The following PDE3A variants were observed in gnomAD, a reference collection of about 807,000 sequenced individuals.
The protein encoded by PDE3A is cGMP-inhibited 3',5'-cyclic phosphodiesterase 3A.
A neutral mutation model predicts 98.3 loss-of-function variants in PDE3A; 43 were observed. The observed-to-expected ratio is 0.44, with a 90% CI of 0.34 to 0.56. The LOEUF (loss-of-function observed/expected upper bound fraction) is 0.56. Ranked by LOEUF, PDE3A falls within the 20% of genes least tolerant of loss-of-function variation. PDE3A has a pLI of 0.01. For missense variants in PDE3A, 1,427 were observed against 1,440.7 expected, an observed-to-expected ratio of 0.99 and a Z score of 0.15; for synonymous variants, 663 against 567.9, an observed-to-expected ratio of 1.17 and a Z score of -2.38.
chr12:20,435,630 G>A (rs1028012665), intron 1 of PDE3A, among the ~76,000 whole-genome samples: 1 of 152,140 alleles, frequency 6.6e-6, no homozygotes, highest in African/African-American at 2.4e-5. Context: ...CTGGTAGTAA[G>A]GAGGCCATGC....
chr12:20,438,087 C>T (rs1434365312), intron 1 of PDE3A, among the ~76,000 whole-genome samples: 1 of 151,848 alleles, frequency 6.6e-6, no homozygotes, highest in Admixed American at 6.6e-5. Context: ...TCTTGGGGGT[C>T]TCCGATAGCT....
Position 20,391,389 on chromosome 12 carries a change from A to G in PDE3A, c.960+21145A>G, listed in dbSNP as rs563903963. On this transcript the variant is annotated intron_variant, in intron 1 of 15. Transcript: ENST00000359062. ...TTCTCATATATATATATATATATAT[A>G]CACACACACATACATGCATTATACA... Among the ~76,000 whole-genome samples, 526 of 92,426 alleles carry G rather than the reference A, an allele frequency of 5.7e-3. 1 individual carries two copies. Among genetic ancestry groups the G allele is most frequent in the African/African-American group, 0.026 (507 of 19,300 alleles). The allele number at this position is 92,426 out of a possible 152,430, so 60.6% of individuals were successfully genotyped here. A position where few individuals can be genotyped will look rare whatever the true frequency, so the allele number is the denominator to read the frequency against.
chr12:20,411,761 C>A (rs1430196629), intron 1 of PDE3A, among the ~76,000 whole-genome samples: 6 of 152,112 alleles, frequency 3.9e-5, no homozygotes, highest in African/African-American at 1.2e-4. Flanking sequence ...TCCGAGATAA[C>A]CCCATTCTTG....
In PDE3A at chr12:20,685,882, G is replaced by A. The variant is rs1348469795; in HGVS notation, c.*5611G>A. Among the ~76,000 whole-genome samples the A allele has an allele frequency of 6.6e-6, 1 of 152,072 alleles. No homozygotes were observed. Among genetic ancestry groups the A allele is most frequent in the Non-Finnish European group, 1.5e-5 (1 of 67,996 alleles). ...TGCAAATAATTCAATAACCAAAAAT[G>A]CTTCAAAGAGTAATAATAAATCACC... is the stretch of plus-strand genomic sequence containing the variant. On this transcript the variant is annotated 3_prime_UTR_variant, in exon 16 of 16. Transcript: ENST00000359062.
At chr12:20,426,545 G>T (rs1281171521) in intron 1 of PDE3A, among the ~76,000 whole-genome samples, 1 of 152,172 alleles carries the variant, frequency 6.6e-6, no homozygotes, top group African/African-American at 2.4e-5. Flanking sequence ...AAACTGGAGT[G>T]CCAGAAGTCT....
chr12:20,424,197 CTG>C (rs1565544798), intron 1 of PDE3A, among the ~76,000 whole-genome samples: 1 of 152,074 alleles, frequency 6.6e-6, no homozygotes, highest in Non-Finnish European at 1.5e-5. Context: ...TTAGTTCTTG[CTG>C]TAAAATAAGG....
At chr12:20,466,569 A>G (rs1591961572) in intron 1 of PDE3A, among the ~76,000 whole-genome samples, 1 of 152,238 alleles carries the variant, frequency 6.6e-6, no homozygotes, top group Non-Finnish European at 1.5e-5. Flanking sequence ...GTACTTTTAA[A>G]GAAATTATTT....
chr12:20,617,328 T>C (rs541227199), intron 4 of PDE3A, among the ~76,000 whole-genome samples: 4 of 152,254 alleles, frequency 2.6e-5, no homozygotes, highest in East Asian at 1.9e-4. Flanking sequence ...TTTTAATTGG[T>C]TTCTTCCATA....
intron 1 of PDE3A, among the ~76,000 whole-genome samples, chr12:20,470,775 C>T (rs1234337011): frequency 6.6e-6 from 1 of 151,976 alleles, no homozygotes; most frequent in Non-Finnish European, 1.5e-5. Flanking sequence ...TGTCCTTTTC[C>T]CCCCAACCCG....
intron 2 of PDE3A, among the ~76,000 whole-genome samples, chr12:20,595,937 A>G (rs1592093324): frequency 2.0e-5 from 3 of 152,350 alleles, no homozygotes; most frequent in South Asian, 4.1e-4. Context: ...CAAATTTAAT[A>G]TCAATGTTTT....
intron 1 of PDE3A, among the ~76,000 whole-genome samples, chr12:20,474,944 A>G (rs376199093): frequency 2.0e-5 from 3 of 152,176 alleles, no homozygotes; most frequent in Admixed American, 1.3e-4. Flanking sequence ...TCATCCTAAC[A>G]TAGAAGATAA....
intron 1 of PDE3A, among the ~76,000 whole-genome samples, chr12:20,396,756 G>A (rs1479182311): frequency 2.6e-5 from 4 of 152,086 alleles, no homozygotes; most frequent in East Asian, 1.9e-4. Context: ...TCTAATGCCC[G>A]TTACCTAAGG....
At chr12:20,652,228 T>C (rs1944935315) in intron 14 of PDE3A, among the ~76,000 whole-genome samples, 1 of 152,230 alleles carries the variant, frequency 6.6e-6, no homozygotes, top group Non-Finnish European at 1.5e-5. Flanking sequence ...TCAATAAACA[T>C]ACATGTGCAT....
intron 1 of PDE3A, among the ~76,000 whole-genome samples, chr12:20,540,696 T>C (rs1446145062): frequency 6.6e-6 from 1 of 152,042 alleles, no homozygotes; most frequent in African/African-American, 2.4e-5. Context: ...AGAATTGTGA[T>C]TCTTAATTCT....
At chr12:20,559,985 G>T (rs1019610443) in intron 2 of PDE3A, among the ~76,000 whole-genome samples, 4 of 152,148 alleles carry the variant, frequency 2.6e-5, no homozygotes, top group Non-Finnish European at 5.9e-5. Context: ...ATACTTTATT[G>T]ACTAGATAGG....
intron 1 of PDE3A, among the ~76,000 whole-genome samples, chr12:20,457,179 A>G (rs903287222): frequency 6.6e-6 from 1 of 152,032 alleles, no homozygotes; most frequent in African/African-American, 2.4e-5. Context: ...TATGAAATAC[A>G]CTACAGAAAA....
intron 1 of PDE3A, among the ~76,000 whole-genome samples, chr12:20,509,885 T>A (rs530703422): frequency 6.6e-6 from 1 of 152,038 alleles, no homozygotes; most frequent in Non-Finnish European, 1.5e-5. Context: ...ATAAATTTGA[T>A]AGGTGGAAAA....
At chr12:20,499,772 G>A (rs1945988076) in intron 1 of PDE3A, among the ~76,000 whole-genome samples, 1 of 152,096 alleles carries the variant, frequency 6.6e-6, no homozygotes, top group African/African-American at 2.4e-5. Context: ...TATATAACCT[G>A]CATATATTTT....
At chr12:20,381,649 T>G (rs75377179) in intron 1 of PDE3A, among the ~76,000 whole-genome samples, 1 of 151,834 alleles carries the variant, frequency 6.6e-6, no homozygotes. Context: ...TTCCAAGACA[T>G]TGATTCTTAT....
Sources: gnomAD v4.1 joint callset for allele counts (sites outside exome capture counted in the v4.1 genomes callset) on GRCh38, gnomAD v4.1.1 for gene constraint, MANE v1.5 for transcripts, NCBI Gene and HGNC (gene_info 2026-07-23, HGNC 2026-07-21) for gene names.